The following CCSER1 variants were observed in gnomAD, a reference collection of about 807,000 sequenced individuals.
CCSER1 encodes the protein serine-rich coiled-coil domain-containing protein 1.
Under a neutral mutation model 82.0 loss-of-function variants are expected in CCSER1, and 41 were observed. The observed-to-expected ratio is 0.50, with a 90% CI of 0.39 to 0.65. The LOEUF is 0.65. CCSER1 is among the 30% of genes least tolerant of loss of function. The probability of loss-of-function intolerance (pLI) is 0.00; values close to 1 mark genes in which losing one functional copy is unlikely to be tolerated. For synonymous variants in CCSER1, 414 were observed against 383.9 expected (o/e 1.08, Z -0.92); for missense variants, 1,119 against 1,064.2 (o/e 1.05, Z -0.72).
chr4:90,256,465 T>G (rs1256201316), intron 1 of CCSER1, among the ~76,000 whole-genome samples: 2 of 152,134 alleles, frequency 1.3e-5, no homozygotes, highest in African/African-American at 4.8e-5. Flanking sequence ...AGTTTTTAAG[T>G]GTTGATTCTG....
intron 9 of CCSER1, among the ~76,000 whole-genome samples, chr4:90,985,940 T>C (rs1394053293): frequency 1.3e-5 from 2 of 151,786 alleles, no homozygotes; most frequent in Admixed American, 1.3e-4. Context: ...ATTCAGTAAC[T>C]TTTGTGATTA....
chr4:90,748,040 T>TC (rs1747821638), intron 7 of CCSER1, among the ~76,000 whole-genome samples: 1 of 146,696 alleles, frequency 6.8e-6, no homozygotes, highest in South Asian at 2.2e-4. Context: ...ATTTTCTTCT[T>TC]TTTTTTTTAT....
intron 4 of CCSER1, among the ~76,000 whole-genome samples, chr4:90,412,538 A>T (rs1755039908): frequency 6.6e-6 from 1 of 150,630 alleles, no homozygotes; most frequent in African/African-American, 2.5e-5. Flanking sequence ...AAAAAAAAAA[A>T]ACCAAAAAGA....
At chr4:91,193,859 T>C (rs1252134985) in intron 10 of CCSER1, among the ~76,000 whole-genome samples, 1 of 152,188 alleles carries the variant, frequency 6.6e-6, no homozygotes, top group African/African-American at 2.4e-5. Context: ...ATGTCCCTTA[T>C]GATTGCTATG....
At chr4:90,709,905 T>C (rs1178957594) in intron 6 of CCSER1, among the ~76,000 whole-genome samples, 1 of 151,852 alleles carries the variant, frequency 6.6e-6, no homozygotes, top group Non-Finnish European at 1.5e-5. Context: ...CCACCAACAG[T>C]GTAAAAACAT....
At chr4:90,339,822 C>A (rs2169400) in intron 3 of CCSER1, among the ~76,000 whole-genome samples, 88,348 of 151,532 alleles carry the variant, frequency 0.58, 26,541 homozygotes, top group African/African-American at 0.73. Context: ...CACTATTTTA[C>A]ATAATATATG....
At chr4:90,446,154 A>G (rs1560529413) in intron 4 of CCSER1, among the ~76,000 whole-genome samples, 1 of 152,176 alleles carries the variant, frequency 6.6e-6, no homozygotes, top group Admixed American at 6.5e-5. Context: ...TGAGCAAACT[A>G]AAAGCATTAG....
chr4:90,556,529 A>G (rs1318034056), intron 5 of CCSER1, among the ~76,000 whole-genome samples: 1 of 152,082 alleles, frequency 6.6e-6, no homozygotes, highest in African/African-American at 2.4e-5. Flanking sequence ...CTTACAGCCT[A>G]TTGTTGACTG....
At chr4:91,284,603 AAG>A (rs1316127702) in intron 10 of CCSER1, among the ~76,000 whole-genome samples, 2 of 152,098 alleles carry the variant, frequency 1.3e-5, no homozygotes, top group Non-Finnish European at 2.9e-5. Flanking sequence ...GACTTTGAGA[AAG>A]AGCTATTTTC....
chr4:90,443,916 CAT>C (rs1318650432), intron 4 of CCSER1, among the ~76,000 whole-genome samples: 2 of 151,996 alleles, frequency 1.3e-5, no homozygotes, highest in Non-Finnish European at 2.9e-5. Context: ...AATACAGACA[CAT>C]ATAAATATAA....
At chr4:90,403,264 C>G (rs1578292902) in intron 4 of CCSER1, among the ~76,000 whole-genome samples, 1 of 152,042 alleles carries the variant, frequency 6.6e-6, no homozygotes, top group African/African-American at 2.4e-5. Flanking sequence ...CTTTGGGAGG[C>G]TGAGGCGGGT....
intron 9 of CCSER1, among the ~76,000 whole-genome samples, chr4:91,078,663 C>G (rs1161746629): frequency 6.6e-6 from 1 of 152,104 alleles, no homozygotes; most frequent in African/African-American, 2.4e-5. Context: ...GAACCCATCG[C>G]AAGAAGCTAA....
At chr4:90,133,809 G>T (rs1005638318) in intron 1 of CCSER1, among the ~76,000 whole-genome samples, 2 of 152,042 alleles carry the variant, frequency 1.3e-5, no homozygotes, top group Non-Finnish European at 2.9e-5. Context: ...TTGTATGATT[G>T]GTTCAGTATT....
chr4:91,221,475 A>G (rs948066300), intron 10 of CCSER1, among the ~76,000 whole-genome samples: 1 of 152,168 alleles, frequency 6.6e-6, no homozygotes, highest in African/African-American at 2.4e-5. Context: ...GAGTGTTATA[A>G]TATTAAGAGC....
rs1437042486 is a variant in CCSER1, at chr4:91,601,944, A to AAATT, written c.*2889_*2892dup. 6.6e-6 allele frequency: 1 copy of AAATT among 152,014 alleles called. No homozygotes were observed. The highest frequency in any genetic ancestry group is 2.4e-5 in the African/African-American group (1 of 41,422). 9.4% of individuals were successfully genotyped at this position (152,014 alleles called of 1,614,324 possible). A position where few individuals can be genotyped will look rare whatever the true frequency, so the allele number is the denominator to read the frequency against. On this transcript the variant is annotated 3_prime_UTR_variant, in exon 11 of 11. Transcript: ENST00000509176. Reference sequence around the variant, plus strand: ...ATGAACTCAATGATTTTTTTCCATAAAATTATATGCTAAGAGAGTCACCAC... The same window carrying AAATT: ...ATGAACTCAATGATTTTTTTCCATAAAATTAATTATATGCTAAGAGAGTCACCAC...
chr4:90,274,549 T>G (rs1390432883), intron 1 of CCSER1, among the ~76,000 whole-genome samples: 1 of 152,124 alleles, frequency 6.6e-6, no homozygotes, highest in East Asian at 1.9e-4. Flanking sequence ...TTTTTAGAAT[T>G]TAAAACTAGA....
intron 10 of CCSER1, among the ~76,000 whole-genome samples, chr4:91,320,370 G>C (rs1056645199): frequency 6.6e-5 from 10 of 151,978 alleles, no homozygotes; most frequent in Middle Eastern, 3.2e-3. Flanking sequence ...GGCGACTACT[G>C]TATATGGCTG....
chr4:91,080,125 C>T (rs903248320), intron 9 of CCSER1, among the ~76,000 whole-genome samples: 2 of 152,198 alleles, frequency 1.3e-5, no homozygotes, highest in Non-Finnish European at 1.5e-5. Context: ...TTCTTCTAAG[C>T]ACCACATCAC....
At chr4:90,926,522 C>A (rs910884733) in intron 9 of CCSER1, among the ~76,000 whole-genome samples, 3 of 151,952 alleles carry the variant, frequency 2.0e-5, no homozygotes, top group Non-Finnish European at 2.9e-5. Flanking sequence ...ATAATAAAAT[C>A]TATTAAAAAT....
Sources: gnomAD v4.1 joint callset for allele counts (sites outside exome capture counted in the v4.1 genomes callset) on GRCh38, gnomAD v4.1.1 for gene constraint, MANE v1.5 for transcripts, NCBI Gene and HGNC (gene_info 2026-07-23, HGNC 2026-07-21) for gene names.